CEP250: variants seen among roughly 807,000 people sequenced by gnomAD.
CEP250 encodes the protein centrosomal protein 250.
Under a neutral mutation model 315.7 loss-of-function variants are expected in CEP250, and 242 were observed. That is an observed-to-expected ratio of 0.77 (90% CI 0.69 to 0.85). The LOEUF (loss-of-function observed/expected upper bound fraction) is 0.85. Ranked by LOEUF, CEP250 falls within the 40% of genes least tolerant of loss-of-function variation. The probability of loss-of-function intolerance (pLI) is 0.00; values close to 1 mark genes in which losing one functional copy is unlikely to be tolerated. For missense variants in CEP250, 2,515 were observed against 2,886.4 expected (o/e 0.87, Z 2.95); for synonymous variants, 1,088 against 1,175.0 (o/e 0.93, Z 1.51).
At chr20:35,488,003 A>G (rs1449333738) in intron 20 of CEP250, among the ~76,000 whole-genome samples, 1 of 152,200 alleles carries the variant, frequency 6.6e-6, no homozygotes, top group African/African-American at 2.4e-5. Context: ...GGAACAAATG[A>G]GCCTTAGATT....
chr20:35,487,668 C>T (rs1426090049), intron 20 of CEP250, among the ~76,000 whole-genome samples: 1 of 152,078 alleles, frequency 6.6e-6, no homozygotes, highest in Non-Finnish European at 1.5e-5. Flanking sequence ...GGCGTGGTGG[C>T]TCACACCTGT....
In CEP250 at chr20:35,503,131, G is replaced by A. The variant is rs144589737; in HGVS notation, c.4762G>A (p.Val1588Met). ...ELEGQRETQR[V>M]ALTHLTLDLE... The stretch of plus-strand genomic sequence containing the variant: ...GGAGGGCCAGAGGGAAACCCAGAGA[G>A]TGGCTTTGACCCACCTTACGCTGGA... Residue 1588 changes from valine to methionine, a missense_variant, in exon 30 of 35, where the codon GTG becomes ATG. Physicochemically the swap from Val to Met is conservative, Grantham distance 21 (BLOSUM62 1). Coordinates refer to ENST00000397527, the MANE Select transcript of CEP250 (RefSeq NM_007186.6). The surrounding 1 kb of genome is among the most constrained non-coding windows in gnomAD (Gnocchi z 4.2). 3 of 1,614,058 alleles carry A rather than the reference G, an allele frequency of 1.9e-6. No individual in the cohort carries two copies. Among genetic ancestry groups the A allele is most frequent in the Non-Finnish European group, 2.5e-6 (3 of 1,180,026 alleles).
chr20:35,478,959 G>C (rs2063256555), intron 17 of CEP250, among the ~76,000 whole-genome samples: 1 of 152,158 alleles, frequency 6.6e-6, no homozygotes. Flanking sequence ...CCAGTATTAT[G>C]TGTGCATCTT....
At chr20:35,499,486 A>G (rs956548634) in intron 27 of CEP250, among the ~76,000 whole-genome samples, 6 of 152,214 alleles carry the variant, frequency 3.9e-5, no homozygotes, top group African/African-American at 1.4e-4. Flanking sequence ...CTATCAGTCA[A>G]TACAAATTGA....
rs749369539 is a variant in CEP250 at position 35,514,730 on chromosome 20, G to T, written c.*3104G>T. The T allele has an allele frequency of 3.3e-5, 5 of 152,292 alleles. No individual in the cohort carries two copies. The highest frequency in any genetic ancestry group is 5.9e-5 in the Non-Finnish European group (4 of 68,086). The allele number at this position is 152,292 out of a possible 1,614,324, so 9.4% of individuals were successfully genotyped here. On this transcript the variant is annotated 3_prime_UTR_variant, in exon 35 of 35. Transcript: ENST00000397527. Reference sequence around the variant, plus strand: ...GTTACAGGCTGCACAGGGAGGGCAAGATCAATGTTGACACCAAAGTGCCAA... The same window carrying T: ...GTTACAGGCTGCACAGGGAGGGCAATATCAATGTTGACACCAAAGTGCCAA...
At position 35,511,918 on chromosome 20, in the gene CEP250, C is replaced by T; in HGVS notation, c.*292C>T. The T allele has an allele frequency of 2.5e-6, 3 of 1,198,016 alleles. No homozygotes were observed. The highest frequency in any genetic ancestry group is 3.1e-6 in the Non-Finnish European group (3 of 964,670). 74.2% of individuals were successfully genotyped at this position (1,198,016 alleles called of 1,614,324 possible). A position where few individuals can be genotyped will look rare whatever the true frequency, so the allele number is the denominator to read the frequency against. Reference sequence around the variant, plus strand: ...TCATCTAGAATTTATTTTCCTAGCACTTCACCACCTCCTTCATCTTCTCCT... The same window carrying T: ...TCATCTAGAATTTATTTTCCTAGCATTTCACCACCTCCTTCATCTTCTCCT... On this transcript the variant is annotated 3_prime_UTR_variant, in exon 35 of 35. Transcript: ENST00000397527.
At position 35,467,619 on chromosome 20, in the gene CEP250, G is replaced by A. The variant is rs553586366; in HGVS notation, c.851+64G>A. ...GAGAGCTGACTCCTTTAGAGGGTTAGGGACAGGCAGGGGGAGGTGCCAGGA... is the reference window on the plus strand; with the variant it reads ...GAGAGCTGACTCCTTTAGAGGGTTAAGGACAGGCAGGGGGAGGTGCCAGGA... On this transcript the variant is annotated intron_variant, in intron 9 of 34. Transcript: ENST00000397527. The A allele has an allele frequency of 2.9e-5, 44 of 1,528,458 alleles. No homozygotes were observed. In the East Asian group the frequency reaches 9.8e-4, roughly 34 times the overall value. 94.7% of individuals were successfully genotyped at this position (1,528,458 alleles called of 1,614,324 possible).
Position 35,509,000 on chromosome 20 carries a change from T to C in CEP250, c.6964T>C (p.Ser2322Pro). Residue 2322 changes from serine (S) to proline (P), a missense_variant, in exon 33 of 35, where the codon TCC becomes CCC. By Grantham distance (74) the Ser-to-Pro change is moderately conservative (BLOSUM62 -1). Transcript: ENST00000397527. ...REAMRAAQAGSLEISKATASS... is the reference protein window; with the variant it reads ...REAMRAAQAGPLEISKATASS... Reference sequence around the variant, plus strand: ...GGCCATGCGTGCGGCCCAGGCAGGGTCCCTAGAGATCAGCAAGGCCACGGC... The same window carrying C: ...GGCCATGCGTGCGGCCCAGGCAGGGCCCCTAGAGATCAGCAAGGCCACGGC... The C allele has an allele frequency of 6.4e-7, 1 of 1,558,778 alleles. No homozygotes were observed. The highest frequency in any genetic ancestry group is 8.7e-7 in the Non-Finnish European group (1 of 1,150,532).
At position 35,494,563 on chromosome 20, in the gene CEP250, T is replaced by C. The variant is rs1228969350; in HGVS notation, c.3073T>C (p.Ser1025Pro). ...LKSQLVAQDD[S>P]QRLVEQEVQE... ...GTCTCAGCTGGTGGCCCAGGATGACTCCCAGAGGCTGGTGGAGCAGGAGGT... is the reference window on the plus strand; with the variant it reads ...GTCTCAGCTGGTGGCCCAGGATGACCCCCAGAGGCTGGTGGAGCAGGAGGT... The change falls in exon 24 of 35, where the codon TCC (serine) becomes CCC (proline). Residue 1025 changes from serine (S) to proline (P), a missense_variant. Ser to Pro is a moderately conservative substitution (Grantham distance 74). Transcript: ENST00000397527. The C allele has an allele frequency of 1.4e-5, 22 of 1,613,906 alleles. No individual in the cohort carries two copies. Among genetic ancestry groups the C allele is most frequent in the Non-Finnish European group, 1.9e-5 (22 of 1,180,010 alleles).
rs751447923 is a variant in CEP250, at chr20:35,476,433, C to CA, written c.1717-16_1717-15insA. The CA allele has an allele frequency of 4.4e-6, 7 of 1,606,798 alleles. No homozygotes were observed. Among genetic ancestry groups the CA allele is most frequent in the Non-Finnish European group, 6.0e-6 (7 of 1,174,276 alleles). On this transcript the variant is annotated splice_polypyrimidine_tract_variant and intron_variant, in intron 15 of 34. Coordinates refer to ENST00000397527, the MANE Select transcript of CEP250 (RefSeq NM_007186.6). Reference sequence around the variant, plus strand: ...AATTGGAAATATGAAACTCTTTAATCCTTTTTGTTTTTTAGGCAGAGCAGT... The same window carrying CA: ...AATTGGAAATATGAAACTCTTTAATCACTTTTTGTTTTTTAGGCAGAGCAGT...
At position 35,511,960 on chromosome 20, in the gene CEP250, G is replaced by C; in HGVS notation, c.*334G>C. 1 of 1,101,166 alleles carries C rather than the reference G, an allele frequency of 9.1e-7. No homozygotes were observed. Among genetic ancestry groups the C allele is most frequent in the South Asian group, 3.8e-5 (1 of 26,608 alleles). The allele number at this position is 1,101,166 out of a possible 1,614,324, so 68.2% of individuals were successfully genotyped here. On this transcript the variant is annotated 3_prime_UTR_variant, in exon 35 of 35. Transcript: ENST00000397527. ...TCTTCTCCTTCAACAATAAACCCTG[G>C]GATCTTTGCATTCATTTTCTGCTGC...
chr20:35,499,959 C>A, intron 27 of CEP250, 90 bp from the exon 28 acceptor site: 1 of 1,547,642 alleles, frequency 6.5e-7, no homozygotes, highest in Non-Finnish European at 8.8e-7. Context: ...CGGCCCACCA[C>A]AGAAGCTGAG....
rs544637422 is a variant in CEP250, at chr20:35,504,655, G to A, written c.6286G>A (p.Val2096Ile). ...GGAGATAAGGGGCCTTCATCAGAGT[G>A]TAAGGGAGCTACAGCTGACTCTAGC... ...EEEIRGLHQS[V>I]RELQLTLAQK... The change falls in exon 30 of 35, where the codon GTA becomes ATA. Residue 2096 changes from valine (V) to isoleucine (I), a missense_variant. Coordinates refer to ENST00000397527, the MANE Select transcript of CEP250 (RefSeq NM_007186.6). The A allele has an allele frequency of 1.9e-6, 3 of 1,613,522 alleles. No homozygotes were observed. Among genetic ancestry groups the A allele is most frequent in the East Asian group, 2.2e-5 (1 of 44,886 alleles).
chr20:35,477,402 A>T (rs529689849), intron 16 of CEP250, among the ~76,000 whole-genome samples: 1 of 150,254 alleles, frequency 6.7e-6, no homozygotes, highest in South Asian at 2.1e-4. Flanking sequence ...TGATCCATCC[A>T]CCTCAGCCTC....
At position 35,478,039 on chromosome 20, in the gene CEP250, C is replaced by G. The variant is rs778549244; in HGVS notation, c.2032C>G (p.Leu678Val). 18 of 1,614,000 alleles carry G rather than the reference C, an allele frequency of 1.1e-5. No individual in the cohort carries two copies. In the Admixed American group the frequency reaches 2.5e-4, roughly 22 times the overall value. The part of the protein sequence containing the change: ...LQKAEEAGAE[L>V]QADLRDIQEE... ...GAAAGCTGAGGAGGCTGGGGCTGAGCTGCAGGCAGATCTCAGGGACATCCA... is the reference window on the plus strand; with the variant it reads ...GAAAGCTGAGGAGGCTGGGGCTGAGGTGCAGGCAGATCTCAGGGACATCCA... Residue 678 changes from leucine to valine, a missense_variant, in exon 17 of 35, where the codon CTG (leucine) becomes GTG (valine). Transcript: ENST00000397527.
chr20:35,508,332 G>C (rs1050163935), intron 32 of CEP250, 142 bp downstream of exon 32: 1 of 893,698 alleles, frequency 1.1e-6, no homozygotes. Flanking sequence ...TTTTTTTCCC[G>C]AGACAGAGTC....
In CEP250 at chr20:35,475,560, A is replaced by C. The variant is rs1350303263; in HGVS notation, c.1630A>C (p.Thr544Pro). Residue 544 changes from threonine (T) to proline (P), a missense_variant, in exon 15 of 35, where the codon ACT (threonine) becomes CCT (proline). Physicochemically the swap from Thr to Pro is conservative, Grantham distance 38 (BLOSUM62 -1). Transcript: ENST00000397527. ...KQSESLSELI[T>P]LREALESSHL... ...GTCAGAATCACTCAGTGAACTGATC[A>C]CTCTTCGGGAAGCCCTGGAGTCAAG... 7 of 1,613,916 alleles carry C rather than the reference A, an allele frequency of 4.3e-6. No individual in the cohort carries two copies. Among genetic ancestry groups the C allele is most frequent in the Non-Finnish European group, 5.9e-6 (7 of 1,180,010 alleles).
chr20:35,489,187 C>CAAAAA (rs56824051), intron 20 of CEP250, among the ~76,000 whole-genome samples: 3 of 124,820 alleles, frequency 2.4e-5, no homozygotes, highest in East Asian at 2.4e-4. Context: ...GACTCTGTCT[C>CAAAAA]AAAAAAAAAA....
chr20:35,485,645 C>CTTTTTTTTTTT lies in CEP250; in HGVS notation c.2587-4971_2587-4961dup, dbSNP rs782622070. 1.2e-4 allele frequency among the ~76,000 whole-genome samples: 4 copies of CTTTTTTTTTTT among 33,788 alleles called. 1 individual carries two copies. Among genetic ancestry groups the CTTTTTTTTTTT allele is most frequent in the Non-Finnish European group, 2.1e-4 (4 of 19,262 alleles). 22.2% of individuals were successfully genotyped at this position (33,788 alleles called of 152,430 possible). A position where few individuals can be genotyped will look rare whatever the true frequency, so the allele number is the denominator to read the frequency against. ...AGCTAGGACTACAGCGTCTGCCTGGCTTTTTTTTTTTTTTTTTTTTTTTTT... is the reference window on the plus strand; with the variant it reads ...AGCTAGGACTACAGCGTCTGCCTGGCTTTTTTTTTTTTTTTTTTTTTTTTTTTTTTTTTTTT... On this transcript the variant is annotated intron_variant, in intron 20 of 34. Coordinates refer to ENST00000397527, the MANE Select transcript of CEP250 (RefSeq NM_007186.6).
Sources: gnomAD v4.1 joint callset for allele counts (sites outside exome capture counted in the v4.1 genomes callset) on GRCh38, gnomAD v4.1.1 for gene constraint, Gnocchi (gnomAD v3.1) non-coding constraint, MANE v1.5 for transcripts, NCBI Gene and HGNC (gene_info 2026-07-23, HGNC 2026-07-21) for gene names.